FAM117A: variants seen among roughly 807,000 people sequenced by gnomAD.
FAM117A encodes protein FAM117A.
In FAM117A, 21 loss-of-function variants were observed where a neutral mutation model predicts 44.1. That is an observed-to-expected ratio of 0.48 (90% CI 0.34 to 0.69). FAM117A has a LOEUF of 0.69. Among genes scored for constraint, FAM117A ranks in the 30% least tolerant of loss-of-function variants. The pLI, the probability that FAM117A is intolerant of heterozygous loss-of-function variation, is 0.01. For synonymous variants in FAM117A, 220 were observed against 238.3 expected, an observed-to-expected ratio of 0.92 and a Z score of 0.71; for missense variants, 498 against 589.9, an observed-to-expected ratio of 0.84 and a Z score of 1.61.
Position 49,743,943 on chromosome 17 carries a change from TG to T in FAM117A, c.197-11224del, listed in dbSNP as rs762058864. 3.3e-3 allele frequency among the ~76,000 whole-genome samples: 491 copies of T among 147,658 alleles called. 5 individuals are homozygous for T. The highest frequency in any genetic ancestry group is 2.3e-3 in the Non-Finnish European group (156 of 66,828). ...GACCCTGTCTTAAAAAAAAAAAGGT[TG>T]GGGGGGGCGTCCCTTTTCCAGTGAG... On this transcript the variant is annotated intron_variant, in intron 1 of 7. Coordinates refer to ENST00000240364, the MANE Select transcript of FAM117A (RefSeq NM_030802.4).
chr17:49,727,701 G>A (rs1180949495), intron 2 of FAM117A, among the ~76,000 whole-genome samples: 2 of 152,130 alleles, frequency 1.3e-5, no homozygotes, highest in Non-Finnish European at 2.9e-5. Context: ...GGAGGGGCGG[G>A]ATGAAGCTGA....
At chr17:49,720,959 C>T (rs1410449272) in intron 3 of FAM117A, among the ~76,000 whole-genome samples, 2 of 152,058 alleles carry the variant, frequency 1.3e-5, no homozygotes, top group African/African-American at 4.8e-5. Flanking sequence ...GTGATCCACC[C>T]GCCTCAGCCT....
At chr17:49,719,694 G>C (rs898937925) in intron 5 of FAM117A, 66 bp downstream of exon 5, 2 of 1,475,226 alleles carry the variant, frequency 1.4e-6, no homozygotes, top group Non-Finnish European at 1.8e-6. Flanking sequence ...AGGACTCCCA[G>C]TTCCCCTCGC....
intron 2 of FAM117A, among the ~76,000 whole-genome samples, chr17:49,729,803 C>T (rs1339713474): frequency 2.0e-5 from 3 of 152,084 alleles, no homozygotes; most frequent in African/African-American, 7.2e-5. Context: ...CATGCCTGGC[C>T]ATATTAGTCC....
At chr17:49,734,242 C>T (rs1426460234) in intron 1 of FAM117A, among the ~76,000 whole-genome samples, 1 of 151,720 alleles carries the variant, frequency 6.6e-6, no homozygotes, top group Non-Finnish European at 1.5e-5. Flanking sequence ...ATGTATTTAG[C>T]ACAGCAAAAA....
chr17:49,746,702 T>C (rs1567832886), intron 1 of FAM117A, among the ~76,000 whole-genome samples: 1 of 152,206 alleles, frequency 6.6e-6, no homozygotes, highest in Non-Finnish European at 1.5e-5. Context: ...CCATTTGTCA[T>C]GATTGCTCTT....
intron 1 of FAM117A, among the ~76,000 whole-genome samples, chr17:49,787,144 C>T (rs1227793588): frequency 6.6e-6 from 1 of 152,092 alleles, no homozygotes; most frequent in Non-Finnish European, 1.5e-5. Flanking sequence ...CTGAGATATG[C>T]TCTTAATGTA....
In FAM117A at chr17:49,719,485, CCT is replaced by C. The variant is rs534216501; in HGVS notation, c.708+273_708+274del. ...ACTGGCAGTTTGGCTGAAGATGACC[CCT>C]GTCTGTTCCTCCCAGCGGGGGGGCC... On this transcript the variant is annotated intron_variant, in intron 5 of 7. Coordinates refer to ENST00000240364, the MANE Select transcript of FAM117A (RefSeq NM_030802.4). 25 of 305,226 alleles carry C rather than the reference CCT, an allele frequency of 8.2e-5. 1 individual carries two copies. Among genetic ancestry groups the C allele is most frequent in the East Asian group, 8.1e-4 (13 of 16,118 alleles). 18.9% of individuals were successfully genotyped at this position (305,226 alleles called of 1,614,324 possible). A position where few individuals can be genotyped will look rare whatever the true frequency, so the allele number is the denominator to read the frequency against.
At chr17:49,722,889 G>A (rs2073541853) in intron 2 of FAM117A, among the ~76,000 whole-genome samples, 1 of 152,116 alleles carries the variant, frequency 6.6e-6, no homozygotes, top group South Asian at 2.1e-4. Context: ...GATCCTCAGT[G>A]GTGAGGACAA....
At chr17:49,735,998 GA>G (rs1243262901) in intron 1 of FAM117A, among the ~76,000 whole-genome samples, 1 of 151,916 alleles carries the variant, frequency 6.6e-6, no homozygotes, top group South Asian at 2.1e-4. Flanking sequence ...TAAACAAACA[GA>G]AAAAAACCCT....
chr17:49,766,845 T>C (rs968900516), upstream of FAM117A, among the ~76,000 whole-genome samples: 1 of 152,232 alleles, frequency 6.6e-6, no homozygotes, highest in East Asian at 1.9e-4. Flanking sequence ...ATCGTACAGA[T>C]GCTTCCTTCC....
upstream of FAM117A, chr17:49,764,138 C>G (rs752459724): frequency 1.5e-5 from 15 of 984,016 alleles, no homozygotes; most frequent in South Asian, 7.9e-5. Context: ...ACACAGCCCC[C>G]CAACCCCCGA....
intron 3 of FAM117A, among the ~76,000 whole-genome samples, chr17:49,721,149 A>C (rs905124252): frequency 6.6e-6 from 1 of 152,214 alleles, no homozygotes; most frequent in African/African-American, 2.4e-5. Flanking sequence ...AGACTACACT[A>C]GGAACAGGGA....
chr17:49,713,246 T>A (rs1175100184), intron 7 of FAM117A, among the ~76,000 whole-genome samples: 1 of 152,192 alleles, frequency 6.6e-6, no homozygotes, highest in Non-Finnish European at 1.5e-5. Context: ...TTTAGGAAGA[T>A]GGGATGATAA....
At chr17:49,763,247 G>A (rs1161837280) in intron 1 of FAM117A, among the ~76,000 whole-genome samples, 1 of 151,916 alleles carries the variant, frequency 6.6e-6, no homozygotes, top group Non-Finnish European at 1.5e-5. Flanking sequence ...TGGGACACAG[G>A]GAGAAGAATG....
At chr17:49,714,971 A>T (rs983014584) in intron 7 of FAM117A, among the ~76,000 whole-genome samples, 2 of 152,174 alleles carry the variant, frequency 1.3e-5, no homozygotes, top group African/African-American at 2.4e-5. Context: ...TAAAGGGTTA[A>T]TGCAGGGGCA....
chr17:49,774,104 T>C (rs1194549490), intron 1 of FAM117A, among the ~76,000 whole-genome samples: 1 of 152,194 alleles, frequency 6.6e-6, no homozygotes, highest in East Asian at 1.9e-4. Flanking sequence ...GGTTGTCTTT[T>C]CTCCACAGCT....
At chr17:49,763,123 TACACACACACACACACACAC>T (rs10603200) in intron 1 of FAM117A, among the ~76,000 whole-genome samples, 2 of 141,068 alleles carry the variant, frequency 1.4e-5, no homozygotes, top group East Asian at 2.1e-4. Context: ...TCCCCCCCGC[TACACACACACACACACACAC>T]ACACACACAC....
intron 2 of FAM117A, chr17:49,732,328 C>A: frequency 2.7e-6 from 1 of 373,042 alleles, no homozygotes; most frequent in Non-Finnish European, 5.0e-6. Context: ...TCACTTGAAC[C>A]CGGGAGGCAG....
Sources: gnomAD v4.1 joint callset for allele counts (sites outside exome capture counted in the v4.1 genomes callset) on GRCh38, gnomAD v4.1.1 for gene constraint, MANE v1.5 for transcripts, NCBI Gene and HGNC (gene_info 2026-07-23, HGNC 2026-07-21) for gene names.